RIC1: variants seen among roughly 807,000 people sequenced by gnomAD.
The protein encoded by RIC1 is guanine nucleotide exchange factor subunit RIC1.
A neutral mutation model predicts 169.0 loss-of-function variants in RIC1; 88 were observed. The observed-to-expected ratio is 0.52, with a 90% CI of 0.44 to 0.62. RIC1 has a LOEUF of 0.62. Ranked by LOEUF, RIC1 falls within the 20% of genes least tolerant of loss-of-function variation. The pLI, the probability that RIC1 is intolerant of heterozygous loss-of-function variation, is 0.00. For synonymous variants in RIC1, 790 were observed against 601.5 expected (o/e 1.31, Z -4.59); for missense variants, 1,877 against 1,725.5 (o/e 1.09, Z -1.56).
In RIC1 at chr9:5,774,058, A is replaced by G; in HGVS notation, c.4084A>G (p.Thr1362Ala). The G allele has an allele frequency of 6.2e-7, 1 of 1,614,070 alleles. No individual in the cohort carries two copies. The highest frequency in any genetic ancestry group is 1.1e-5 in the South Asian group (1 of 91,070). Residue 1362 changes from threonine (T) to alanine (A), a missense_variant, in exon 26 of 26, where the codon ACT becomes GCT. Transcript: ENST00000414202. ...QVQPDAFQPI[T>A]MGKTPEQTSP... ...CCAGCCAGATGCCTTCCAACCAATAACTATGGGTAAGACTCCAGAACAGAC... is the reference window on the plus strand; with the variant it reads ...CCAGCCAGATGCCTTCCAACCAATAGCTATGGGTAAGACTCCAGAACAGAC...
intron 2 of RIC1, among the ~76,000 whole-genome samples, chr9:5,661,764 T>C (rs560051222): frequency 2.3e-3 from 353 of 152,322 alleles, no homozygotes; most frequent in Non-Finnish European, 3.9e-3. Context: ...TATAGGATCA[T>C]GTCATCTGCA....
chr9:5,765,338 A>T, intron 19 of RIC1, 76 bp from the exon 20 acceptor site: 2 of 1,470,006 alleles, frequency 1.4e-6, no homozygotes, highest in Non-Finnish European at 1.8e-6. Context: ...GAGTTTAGAA[A>T]ACGAGATAAA....
chr9:5,760,202 G>C (rs1425021065), intron 17 of RIC1, among the ~76,000 whole-genome samples: 1 of 152,184 alleles, frequency 6.6e-6, no homozygotes, highest in Non-Finnish European at 1.5e-5. Flanking sequence ...CTCTCATAGA[G>C]AATCATCTGC....
At chr9:5,691,434 A>T (rs1330793957) in intron 3 of RIC1, among the ~76,000 whole-genome samples, 1 of 151,900 alleles carries the variant, frequency 6.6e-6, no homozygotes, top group Non-Finnish European at 1.5e-5. Flanking sequence ...GTGCTAACTG[A>T]GGTATTCGGT....
chr9:5,710,608 T>G (rs1233236797), intron 3 of RIC1, among the ~76,000 whole-genome samples: 3 of 152,204 alleles, frequency 2.0e-5, no homozygotes, highest in Non-Finnish European at 4.4e-5. Context: ...GACTAAACAT[T>G]GTTAGCCATT....
intron 2 of RIC1, among the ~76,000 whole-genome samples, chr9:5,681,192 A>G (rs202077257): frequency 6.6e-6 from 1 of 151,266 alleles, no homozygotes; most frequent in Admixed American, 6.6e-5. Flanking sequence ...GTTATTTCTT[A>G]CCTTCTGCTA....
chr9:5,714,407 A>G (rs1047399666), intron 4 of RIC1, among the ~76,000 whole-genome samples: 7 of 152,192 alleles, frequency 4.6e-5, no homozygotes, highest in African/African-American at 1.4e-4. Flanking sequence ...ACACTTTTTC[A>G]TCCAAGTATG....
chr9:5,734,306 G>T lies in RIC1; in HGVS notation c.812+1827G>T, dbSNP rs192364340. On this transcript the variant is annotated intron_variant, in intron 7 of 25. Coordinates refer to ENST00000414202, the MANE Select transcript of RIC1 (RefSeq NM_020829.4). ...ATTTTTAGTAGAACGGAGTTTCACT[G>T]TGTTGGTCAGTCTGGTCTCAAACTC... Among the ~76,000 whole-genome samples the T allele has an allele frequency of 6.4e-3, 971 of 151,610 alleles. 5 individuals carry two copies. Among genetic ancestry groups the T allele is most frequent in the Middle Eastern group, 0.01 (3 of 294 alleles).
intron 1 of RIC1, among the ~76,000 whole-genome samples, chr9:5,637,321 G>C (rs750593413): frequency 3.3e-5 from 5 of 151,758 alleles, no homozygotes; most frequent in Non-Finnish European, 7.4e-5. Context: ...CATCCACCTC[G>C]GGCTCCCAAA....
intron 2 of RIC1, among the ~76,000 whole-genome samples, chr9:5,668,982 C>A (rs1819940051): frequency 1.3e-5 from 2 of 152,196 alleles, no homozygotes; most frequent in South Asian, 4.1e-4. Context: ...TCATTGAGAA[C>A]TGGACTGAGT....
At position 5,720,249 on chromosome 9, in the gene RIC1, G is replaced by A; in HGVS notation, c.508G>A (p.Glu170Lys). 6.2e-7 allele frequency: 1 copy of A among 1,613,422 alleles called. No homozygotes were observed. Among genetic ancestry groups the A allele is most frequent in the Non-Finnish European group, 8.5e-7 (1 of 1,179,366 alleles). The change falls in exon 5 of 26, where the codon GAA (glutamate) becomes AAA (lysine). Residue 170 changes from glutamate (E) to lysine (K), a missense_variant. Glu to Lys is a moderately conservative substitution (Grantham distance 56). Coordinates refer to ENST00000414202, the MANE Select transcript of RIC1 (RefSeq NM_020829.4). ...SDGLLHLIHW[E>K]GMTNGRKAIN... ...TGGACTTCTTCATCTTATTCACTGG[G>A]AAGGAATGACAAATGGAAGGAAAGC...
intron 11 of RIC1, among the ~76,000 whole-genome samples, chr9:5,747,043 T>A (rs1277670164): frequency 6.6e-6 from 1 of 152,176 alleles, no homozygotes; most frequent in African/African-American, 2.4e-5. Context: ...ATTTCAATAG[T>A]TAATGAGTCT....
intron 17 of RIC1, among the ~76,000 whole-genome samples, chr9:5,761,565 C>G (rs1307849484): frequency 3.9e-5 from 6 of 152,108 alleles, no homozygotes; most frequent in Admixed American, 1.3e-4. Flanking sequence ...TTGGTTTTCC[C>G]TTCCCTAATT....
At chr9:5,630,112 G>T (rs1056724879) in intron 1 of RIC1, among the ~76,000 whole-genome samples, 1 of 152,204 alleles carries the variant, frequency 6.6e-6, no homozygotes, top group African/African-American at 2.4e-5. Flanking sequence ...TCTGTCCGCG[G>T]AACTCCCAGT....
intron 3 of RIC1, among the ~76,000 whole-genome samples, chr9:5,695,851 G>A (rs1046845353): frequency 6.6e-6 from 1 of 152,154 alleles, no homozygotes; most frequent in East Asian, 1.9e-4. Context: ...GATTTCAGGC[G>A]TGAGCCACTG....
At chr9:5,723,460 C>G (rs1375289297) in intron 6 of RIC1, among the ~76,000 whole-genome samples, 2 of 151,988 alleles carry the variant, frequency 1.3e-5, no homozygotes, top group Non-Finnish European at 2.9e-5. Flanking sequence ...GGATATTAGC[C>G]CTTTGTCAGA....
chr9:5,692,905 T>C (rs1821669055), intron 3 of RIC1, among the ~76,000 whole-genome samples: 1 of 152,078 alleles, frequency 6.6e-6, no homozygotes, highest in Non-Finnish European at 1.5e-5. Context: ...TAGTTAGGTA[T>C]AACTGTTTTA....
intron 17 of RIC1, among the ~76,000 whole-genome samples, chr9:5,760,495 A>G (rs896112380): frequency 6.6e-6 from 1 of 152,224 alleles, no homozygotes; most frequent in African/African-American, 2.4e-5. Context: ...AACATTACTC[A>G]TATTGTGGTG....
chr9:5,756,897 T>C (rs1327290335), intron 16 of RIC1, among the ~76,000 whole-genome samples: 2 of 152,116 alleles, frequency 1.3e-5, no homozygotes, highest in Non-Finnish European at 2.9e-5. Context: ...ACCTCTTGAG[T>C]TTTATTTTTG....
Sources: allele counts gnomAD v4.1 joint callset (sites outside exome capture counted in the v4.1 genomes callset), GRCh38; gene constraint gnomAD v4.1.1; transcripts MANE v1.5; gene names NCBI Gene and HGNC (gene_info 2026-07-23, HGNC 2026-07-21).